CADPS2: variants seen among roughly 807,000 people sequenced by gnomAD.
The protein encoded by CADPS2 is calcium-dependent secretion activator 2.
CADPS2 carries 93 observed loss-of-function variants against 172.5 expected under a neutral mutation model. The ratio of observed to expected loss-of-function variants is 0.54; its 90% CI spans 0.46 to 0.64. The LOEUF (loss-of-function observed/expected upper bound fraction) is 0.64, where lower values mean the gene tolerates loss of function less well. Among genes scored for constraint, CADPS2 ranks in the 30% least tolerant of loss-of-function variants. The pLI, the probability that CADPS2 is intolerant of heterozygous loss-of-function variation, is 0.00. For synonymous variants in CADPS2, 546 were observed against 555.2 expected, an observed-to-expected ratio of 0.98 and a Z score of 0.23; for missense variants, 1,420 against 1,565.9, an observed-to-expected ratio of 0.91 and a Z score of 1.57.
chr7:122,597,856 T>C (rs1466456617), intron 6 of CADPS2, among the ~76,000 whole-genome samples: 3 of 152,044 alleles, frequency 2.0e-5, no homozygotes, highest in African/African-American at 7.2e-5. Flanking sequence ...ATTAAGCATA[T>C]CTTTCAATGA....
chr7:122,370,655 A>G lies in CADPS2; in HGVS notation c.3387+8713T>C, dbSNP rs555171766. Reference sequence around the variant, plus strand: ...GAGGGCATTGGGTAAGGAGAGGGCTAAATTTGCTTAGGAAGATGTAAGATG... The same window carrying G: ...GAGGGCATTGGGTAAGGAGAGGGCTGAATTTGCTTAGGAAGATGTAAGATG... On this transcript the variant is annotated intron_variant, in intron 25 of 29. Coordinates refer to ENST00000449022, the MANE Select transcript of CADPS2 (RefSeq NM_017954.11). 2.0e-5 allele frequency among the ~76,000 whole-genome samples: 3 copies of G among 152,314 alleles called. No individual in the cohort carries two copies. In the East Asian group the frequency reaches 5.8e-4, roughly 29 times the overall value.
At chr7:122,505,502 T>C (rs1414505788) in intron 9 of CADPS2, among the ~76,000 whole-genome samples, 2 of 152,202 alleles carry the variant, frequency 1.3e-5, no homozygotes, top group East Asian at 1.9e-4. Context: ...AATGGCAAAG[T>C]ATTGAAACAT....
intron 2 of CADPS2, among the ~76,000 whole-genome samples, chr7:122,689,035 G>C (rs937758307): frequency 1.3e-5 from 2 of 152,090 alleles, no homozygotes; most frequent in African/African-American, 4.8e-5. Context: ...TCCTTTTAGT[G>C]AGGACCGGTG....
rs1004151862 is a variant in CADPS2 at position 122,619,567 on chromosome 7, T to C, written c.1104+1914A>G. ...ACTTGAACCCAGGAAGTGGAGGTTG[T>C]GGTGAGCAGAGATAGTGCCACTGTA... On this transcript the variant is annotated intron_variant, in intron 5 of 29. Transcript: ENST00000449022. Among the ~76,000 whole-genome samples, 5 of 152,224 alleles carry C rather than the reference T, an allele frequency of 3.3e-5. No homozygotes were observed. The East Asian group carries it at 9.7e-4, about 29-fold the overall frequency.
At chr7:122,454,141 A>G (rs2053472428) in intron 14 of CADPS2, among the ~76,000 whole-genome samples, 1 of 152,248 alleles carries the variant, frequency 6.6e-6, no homozygotes, top group African/African-American at 2.4e-5. Context: ...AAGTGCAAAT[A>G]CTTTCCGTGT....
In CADPS2 at chr7:122,550,647, T is replaced by C. The variant is rs141010689; in HGVS notation, c.1475+3903A>G. ...AACCTTTGAATTAGGAAAATAATTT[T>C]ATTTAATAAAAACAGGAATAGTTAT... is the stretch of plus-strand genomic sequence containing the variant. On this transcript the variant is annotated intron_variant, in intron 8 of 29. Transcript: ENST00000449022. Among the ~76,000 whole-genome samples the C allele has an allele frequency of 2.6e-3, 393 of 152,322 alleles. 1 individual carries two copies. Among genetic ancestry groups the C allele is most frequent in the African/African-American group, 9.0e-3 (373 of 41,574 alleles).
intron 6 of CADPS2, among the ~76,000 whole-genome samples, chr7:122,591,773 T>A (rs1031162770): frequency 2.8e-4 from 42 of 152,276 alleles, no homozygotes; most frequent in Non-Finnish European, 5.1e-4. Flanking sequence ...CTGGGAAAAC[T>A]GGCTAGCCAC....
chr7:122,381,099 T>C (rs2042944068), intron 24 of CADPS2, among the ~76,000 whole-genome samples: 1 of 152,056 alleles, frequency 6.6e-6, no homozygotes, highest in Non-Finnish European at 1.5e-5. Flanking sequence ...GTGCACTGGC[T>C]GATGGGTAGG....
At chr7:122,362,686 A>G (rs1037708271) in intron 25 of CADPS2, among the ~76,000 whole-genome samples, 1 of 152,148 alleles carries the variant, frequency 6.6e-6, no homozygotes, top group Non-Finnish European at 1.5e-5. Context: ...AGGTTTTTTC[A>G]ATAGGAAAAG....
intron 3 of CADPS2, among the ~76,000 whole-genome samples, chr7:122,637,586 T>C (rs907750923): frequency 6.6e-6 from 1 of 152,214 alleles, no homozygotes; most frequent in African/African-American, 2.4e-5. Flanking sequence ...CTTGAATACC[T>C]TGGATTGGGT....
chr7:122,645,399 A>ATG (rs1491520336), intron 3 of CADPS2, among the ~76,000 whole-genome samples: 1 of 50,450 alleles, frequency 2.0e-5, no homozygotes, highest in Admixed American at 2.0e-4. Context: ...GTGTGTATAT[A>ATG]TGTACATATA....
chr7:122,669,172 A>T lies in CADPS2; in HGVS notation c.454-5603T>A, dbSNP rs1429882823. ...ATGGCGAAACCCTGCTCTACCAAAA[A>T]TACAAAAAATTAGCCGGGTGTAGTG... On this transcript the variant is annotated intron_variant, in intron 2 of 29. Coordinates refer to ENST00000449022, the MANE Select transcript of CADPS2 (RefSeq NM_017954.11). Among the ~76,000 whole-genome samples, 3 of 152,000 alleles carry T rather than the reference A, an allele frequency of 2.0e-5. No homozygotes were observed. In the East Asian group the frequency reaches 5.8e-4, roughly 29 times the overall value.
chr7:122,541,738 C>CATATATTTACATATATTCATATATTT (rs2063022000), intron 8 of CADPS2, among the ~76,000 whole-genome samples: 1 of 139,502 alleles, frequency 7.2e-6, no homozygotes, highest in African/African-American at 2.7e-5. Flanking sequence ...TATATTTATT[C>CATATATTTACATATATTCATATATTT]ATATATTTAC....
intron 8 of CADPS2, among the ~76,000 whole-genome samples, chr7:122,552,041 C>T (rs1386661773): frequency 6.6e-6 from 1 of 152,120 alleles, no homozygotes; most frequent in African/African-American, 2.4e-5. Context: ...AAACTGTTAC[C>T]ACATGGGTAC....
chr7:122,423,860 G>A (rs1250191754), intron 17 of CADPS2, among the ~76,000 whole-genome samples: 3 of 152,186 alleles, frequency 2.0e-5, no homozygotes, highest in Non-Finnish European at 2.9e-5. Context: ...TGCTGGTGTA[G>A]GGAATGCACT....
At chr7:122,462,062 A>C (rs2054517431) in intron 14 of CADPS2, among the ~76,000 whole-genome samples, 1 of 152,370 alleles carries the variant, frequency 6.6e-6, no homozygotes, top group Middle Eastern at 3.4e-3. Context: ...AGTGTATAAG[A>C]GTCCATTTAT....
intron 1 of CADPS2, among the ~76,000 whole-genome samples, chr7:122,865,658 G>A (rs1818119037): frequency 6.6e-6 from 1 of 152,188 alleles, no homozygotes; most frequent in Admixed American, 6.5e-5. Context: ...CAAAGCTGGT[G>A]TTTCCCACAG....
At chr7:122,764,053 C>A (rs1238136771) in intron 1 of CADPS2, among the ~76,000 whole-genome samples, 4 of 152,030 alleles carry the variant, frequency 2.6e-5, no homozygotes, top group Non-Finnish European at 5.9e-5. Flanking sequence ...GCTTTTTGGT[C>A]CCCTAGGCAC....
intron 6 of CADPS2, among the ~76,000 whole-genome samples, chr7:122,583,921 G>T (rs2069248877): frequency 6.6e-6 from 1 of 150,800 alleles, no homozygotes; most frequent in Non-Finnish European, 1.5e-5. Context: ...CCAGAAATGA[G>T]TGCTCTAGTT....
Sources: gnomAD v4.1 joint callset for allele counts (sites outside exome capture counted in the v4.1 genomes callset) on GRCh38, gnomAD v4.1.1 for gene constraint, MANE v1.5 for transcripts, NCBI Gene and HGNC (gene_info 2026-07-23, HGNC 2026-07-21) for gene names.